Variants in WNK1 observed in about 807,000 individuals in gnomAD.
WNK1 encodes the protein WNK lysine deficient protein kinase 1, also known as serine/threonine-protein kinase WNK1.
Under a neutral mutation model 222.8 loss-of-function variants are expected in WNK1, and 38 were observed. The observed-to-expected ratio is 0.17, with a 90% CI of 0.13 to 0.22. The LOEUF (loss-of-function observed/expected upper bound fraction) is 0.22. Among genes scored for constraint, WNK1 ranks in the 10% least tolerant of loss-of-function variants. WNK1 has a pLI of 1.00. For synonymous variants in WNK1, 1,090 were observed against 1,092.9 expected (o/e 1.00, Z 0.05); for missense variants, 2,348 against 2,918.4 (o/e 0.80, Z 4.50).
intron 15 of WNK1, 120 bp downstream of exon 15, chr12:883,179 A>T (rs1375131497): frequency 1.0e-6 from 1 of 984,774 alleles, no homozygotes; most frequent in African/African-American, 1.6e-5. Flanking sequence ...ATTTACTTCA[A>T]TGTGAATAAA....
At position 812,563 on chromosome 12, in the gene WNK1, A is replaced by G. The variant is rs540512543; in HGVS notation, c.760-1079A>G. Reference sequence around the variant, plus strand: ...TCCATTGGTTTTAATGCTATTGGGCAGAGTAGAAACAGGAGTAGTAACTTG... The same window carrying G: ...TCCATTGGTTTTAATGCTATTGGGCGGAGTAGAAACAGGAGTAGTAACTTG... On this transcript the variant is annotated intron_variant, in intron 1 of 27. Transcript: ENST00000315939. Among the ~76,000 whole-genome samples, 3 of 152,364 alleles carry G rather than the reference A, an allele frequency of 2.0e-5. No homozygotes were observed. The East Asian group carries it at 5.8e-4, about 29-fold the overall frequency.
rs1246901757 is a variant in WNK1 at position 896,258 on chromosome 12, G to T, written c.5771G>T (p.Ser1924Ile). ...IPGISSDVPE[S>I]AHKTTASEAK... ...GGTATCTCTTCAGATGTGCCAGAGA[G>T]TGCCCACAAAACTACTGCCTCAGAG... Residue 1924 changes from serine to isoleucine, a missense_variant, in exon 24 of 28, where the codon AGT becomes ATT. By Grantham distance (142) the Ser-to-Ile change is moderately radical. Around this residue, in one of 13 missense-constraint regions of WNK1, gnomAD observed 1,144 missense variants for 1,273.6 expected, o/e 0.90. Transcript: ENST00000315939. 6.2e-7 allele frequency: 1 copy of T among 1,614,196 alleles called. No individual in the cohort carries two copies. The highest frequency in any genetic ancestry group is 8.5e-7 in the Non-Finnish European group (1 of 1,180,038).
At chr12:810,162 G>A (rs1001905098) in intron 1 of WNK1, among the ~76,000 whole-genome samples, 1 of 151,914 alleles carries the variant, frequency 6.6e-6, no homozygotes, top group African/African-American at 2.4e-5. Context: ...AGGCAGAATT[G>A]CCTGAACCCG....
intron 1 of WNK1, among the ~76,000 whole-genome samples, chr12:776,984 A>G (rs1020964675): frequency 6.6e-6 from 1 of 152,178 alleles, no homozygotes; most frequent in African/African-American, 2.4e-5. Flanking sequence ...AGATAAAAAG[A>G]CTGTACTAAA....
intron 2 of WNK1, 105 bp downstream of exon 2, chr12:813,919 GA>G: frequency 2.5e-6 from 3 of 1,211,932 alleles, no homozygotes; most frequent in Non-Finnish European, 2.4e-6. Flanking sequence ...CCTAAGAAGG[GA>G]ACAGTCCTTC....
chr12:864,034 A>C (rs1213758874), intron 8 of WNK1, among the ~76,000 whole-genome samples: 2 of 151,976 alleles, frequency 1.3e-5, no homozygotes, highest in East Asian at 3.8e-4. Context: ...TAACAGTCTT[A>C]TTCAAGACAA....
chr12:825,555 T>C (rs1040666065), intron 2 of WNK1, among the ~76,000 whole-genome samples: 2 of 152,198 alleles, frequency 1.3e-5, no homozygotes, highest in African/African-American at 4.8e-5. Context: ...TAATTTCATA[T>C]CTTATACAAG....
chr12:892,321 A>G (rs1954327179), intron 22 of WNK1, among the ~76,000 whole-genome samples: 1 of 152,108 alleles, frequency 6.6e-6, no homozygotes, highest in Non-Finnish European at 1.5e-5. Flanking sequence ...TTTCTAGACC[A>G]TATAGTCTCT....
At position 904,978 on chromosome 12, in the gene WNK1, C is replaced by T. The variant is rs150659825; in HGVS notation, c.6644-2869C>T. 2.6e-5 allele frequency among the ~76,000 whole-genome samples: 4 copies of T among 152,272 alleles called. No individual in the cohort carries two copies. The East Asian group carries it at 7.7e-4, about 29-fold the overall frequency. The stretch of plus-strand genomic sequence containing the variant: ...CATACTTTAATGAGAAGGCCACTTA[C>T]AGTGTTGTAGGTAGGGTCAACAGGG... On this transcript the variant is annotated intron_variant, in intron 26 of 27. Coordinates refer to ENST00000315939, the MANE Select transcript of WNK1 (RefSeq NM_018979.4).
chr12:820,956 T>C (rs1947814564), intron 2 of WNK1, among the ~76,000 whole-genome samples: 1 of 152,038 alleles, frequency 6.6e-6, no homozygotes, highest in Non-Finnish European at 1.5e-5. Context: ...TCTTTCACCA[T>C]TGAGTATATG....
chr12:781,419 G>A (rs1943694593), intron 1 of WNK1, among the ~76,000 whole-genome samples: 1 of 139,632 alleles, frequency 7.2e-6, no homozygotes, highest in South Asian at 2.1e-4. Flanking sequence ...AAAATATAGT[G>A]GCTATATGAA....
intron 26 of WNK1, among the ~76,000 whole-genome samples, chr12:902,339 A>G (rs887859372): frequency 6.6e-6 from 1 of 152,108 alleles, no homozygotes; most frequent in Non-Finnish European, 1.5e-5. Flanking sequence ...CATTTTGACC[A>G]ATGATGCTCT....
chr12:801,766 A>G (rs1038354488), intron 1 of WNK1, among the ~76,000 whole-genome samples: 18 of 152,118 alleles, frequency 1.2e-4, no homozygotes, highest in African/African-American at 2.7e-4. Context: ...GAAAGCTCCA[A>G]TCATTACTAC....
At position 753,212 on chromosome 12, in the gene WNK1, G is replaced by GC. The variant is rs886049860; in HGVS notation, c.-351dup. On this transcript the variant is annotated 5_prime_UTR_variant, in exon 1 of 28. Coordinates refer to ENST00000315939, the MANE Select transcript of WNK1 (RefSeq NM_018979.4). The surrounding 1 kb of genome is among the most constrained non-coding windows in gnomAD (Gnocchi z 5.2). The stretch of plus-strand genomic sequence containing the variant: ...CGCCTCGACTCGGTGCCGGCCCCTG[G>GC]CCCTCCCCTCATGACTGCGGCGCCT... The GC allele has an allele frequency of 1.7e-4, 40 of 228,988 alleles. No individual in the cohort carries two copies. Among genetic ancestry groups the GC allele is most frequent in the Non-Finnish European group, 3.2e-4 (37 of 117,116 alleles). 14.2% of individuals were successfully genotyped at this position (228,988 alleles called of 1,614,324 possible).
intron 2 of WNK1, among the ~76,000 whole-genome samples, chr12:819,666 C>A (rs1947678226): frequency 6.6e-6 from 1 of 152,126 alleles, no homozygotes; most frequent in Admixed American, 6.6e-5. Context: ...ACAGATGTAT[C>A]CCTAAGTTTT....
At chr12:806,601 A>G (rs1220384424) in intron 1 of WNK1, among the ~76,000 whole-genome samples, 3 of 152,198 alleles carry the variant, frequency 2.0e-5, no homozygotes, top group African/African-American at 7.2e-5. Context: ...GTCATCAGGC[A>G]ATGTTTATTT....
At chr12:833,659 T>A (rs1455335575) in intron 4 of WNK1, among the ~76,000 whole-genome samples, 1 of 152,230 alleles carries the variant, frequency 6.6e-6, no homozygotes, top group Non-Finnish European at 1.5e-5. Context: ...ATGATAAAAT[T>A]TTGTTTATTA....
In WNK1 at chr12:868,778, G is replaced by C. The variant is rs1366683439; in HGVS notation, c.2140-2487G>C. 1.9e-6 allele frequency: 3 copies of C among 1,613,946 alleles called. No individual in the cohort carries two copies. The highest frequency in any genetic ancestry group is 1.7e-6 in the Non-Finnish European group (2 of 1,179,920). On this transcript the variant is annotated intron_variant, in intron 8 of 27. Coordinates refer to ENST00000315939, the MANE Select transcript of WNK1 (RefSeq NM_018979.4). ...TGGATTACATGGCTACTTGCAGCCT[G>C]TGACTGAAGAAAAGCATAATTACCA...
intron 14 of WNK1, 69 bp from the exon 15 acceptor site, chr12:882,874 T>C (rs1953303516): frequency 1.0e-6 from 1 of 997,648 alleles, no homozygotes; most frequent in South Asian, 1.3e-5. Flanking sequence ...TAATCTGCAT[T>C]GCTTTTCTGA....
Sources: allele counts gnomAD v4.1 joint callset (sites outside exome capture counted in the v4.1 genomes callset), GRCh38; gene constraint gnomAD v4.1.1; regional missense constraint gnomAD v4.1.1; non-coding constraint Gnocchi (gnomAD v3.1); transcripts MANE v1.5; gene names NCBI Gene and HGNC (gene_info 2026-07-23, HGNC 2026-07-21).